TEX14: variants seen among roughly 807,000 people sequenced by gnomAD.
TEX14 encodes the protein testis expressed 14, intercellular bridge forming factor, also known as inactive serine/threonine-protein kinase TEX14.
In TEX14, 168 loss-of-function variants were observed where a neutral mutation model predicts 178.6. That is an observed-to-expected ratio of 0.94 (90% CI 0.83 to 1.07). TEX14 has a LOEUF of 1.07. Among genes scored for constraint, TEX14 ranks in the 50% least tolerant of loss-of-function variants. TEX14 has a pLI of 0.00. For synonymous variants in TEX14, 626 were observed against 634.1 expected (o/e 0.99, Z 0.19); for missense variants, 1,730 against 1,753.6 (o/e 0.99, Z 0.24).
chr17:58,678,061 A>G (rs1170671571), intron 1 of TEX14, among the ~76,000 whole-genome samples: 1 of 152,116 alleles, frequency 6.6e-6, no homozygotes, highest in Non-Finnish European at 1.5e-5. Flanking sequence ...GAGGCAGGAG[A>G]ATTGCTTGAA....
At chr17:58,645,475 T>C (rs989447834) in intron 2 of TEX14, among the ~76,000 whole-genome samples, 1 of 151,982 alleles carries the variant, frequency 6.6e-6, no homozygotes, top group Non-Finnish European at 1.5e-5. Flanking sequence ...TCTCCTGCCT[T>C]GGCCTCCCGA....
intron 9 of TEX14, among the ~76,000 whole-genome samples, chr17:58,612,028 A>G (rs1475112019): frequency 6.6e-6 from 1 of 152,146 alleles, no homozygotes; most frequent in Non-Finnish European, 1.5e-5. Flanking sequence ...TCATGGAGGA[A>G]AAAAACCTAA....
chr17:58,565,062 T>C (rs1338012261), intron 27 of TEX14, 94 bp from the exon 28 acceptor site: 2 of 739,946 alleles, frequency 2.7e-6, no homozygotes, highest in Non-Finnish European at 4.5e-6. Context: ...GGCCAATCAG[T>C]GGTCCCTGAA....
intron 2 of TEX14, among the ~76,000 whole-genome samples, chr17:58,648,998 C>T (rs1373654681): frequency 1.3e-5 from 2 of 150,880 alleles, no homozygotes; most frequent in East Asian, 3.9e-4. Flanking sequence ...ACCGTGGTCT[C>T]GATCTCCTGA....
chr17:58,561,587 G>A lies in TEX14; in HGVS notation c.4090C>T (p.Leu1364=), dbSNP rs771792312. The stretch of plus-strand genomic sequence containing the variant: ...TCAGGTGGCTGCAGCCATCTTTCCA[G>A]GTCCTCATCCAGAGTAGAGTGAGCT... ...ERAHSTLDED[L]ERWLQPPEES... Residue 1364 remains leucine (L), a synonymous_variant, in exon 29 of 32, where the codon CTG becomes TTG. Coordinates refer to ENST00000349033, the MANE Select transcript of TEX14 (RefSeq NM_031272.5). The A allele has an allele frequency of 1.2e-6, 2 of 1,613,730 alleles. No individual in the cohort carries two copies. Among genetic ancestry groups the A allele is most frequent in the African/African-American group, 2.7e-5 (2 of 74,930 alleles).
intron 13 of TEX14, among the ~76,000 whole-genome samples, 171 bp downstream of exon 13, chr17:58,601,635 A>G (rs2045448747): frequency 6.6e-6 from 1 of 152,222 alleles, no homozygotes; most frequent in Non-Finnish European, 1.5e-5. Context: ...TGGAGGTTGC[A>G]GTGAGCTGAG....
At position 58,574,206 on chromosome 17, in the gene TEX14, C is replaced by CCTTT; in HGVS notation, c.3360_3363dup (p.Glu1122LysfsTer18). The stretch of plus-strand genomic sequence containing the variant: ...TCATACATGTCTTTCTCTTTCAGTT[C>CCTTT]CTTTGGTGACTCCTTTGATGTCTCT... On this transcript the variant is annotated frameshift_variant, in exon 22 of 32. Transcript: ENST00000349033. LOFTEE classifies it high-confidence loss of function. 1 of 1,613,602 alleles carries CCTTT rather than the reference C, an allele frequency of 6.2e-7. No homozygotes were observed. Among genetic ancestry groups the CCTTT allele is most frequent in the Non-Finnish European group, 8.5e-7 (1 of 1,179,624 alleles).
Position 58,611,227 on chromosome 17 carries a change from G to C in TEX14, c.1118C>G (p.Ser373Cys). 6.2e-7 allele frequency: 1 copy of C among 1,613,918 alleles called. No homozygotes were observed. The highest frequency in any genetic ancestry group is 8.5e-7 in the Non-Finnish European group (1 of 1,179,852). The change falls in exon 10 of 32, where the codon TCC becomes TGC. Residue 373 changes from serine to cysteine, a missense_variant. By Grantham distance (112) the Ser-to-Cys change is moderately radical. Coordinates refer to ENST00000349033, the MANE Select transcript of TEX14 (RefSeq NM_031272.5). ...FQGFIHRSLS[S>C]YAVHIISPGE... ...TGGGGAGATGATATGGACAGCATAGGAGCTGAGGGAGCGGTGGATAAACCC... is the reference window on the plus strand; with the variant it reads ...TGGGGAGATGATATGGACAGCATAGCAGCTGAGGGAGCGGTGGATAAACCC...
At chr17:58,595,142 A>G (rs1322153834) in intron 14 of TEX14, among the ~76,000 whole-genome samples, 2 of 152,250 alleles carry the variant, frequency 1.3e-5, no homozygotes, top group Non-Finnish European at 2.9e-5. Flanking sequence ...ATATAATCAA[A>G]ATAGATATTT....
At chr17:58,689,049 G>C (rs970992914) in intron 1 of TEX14, among the ~76,000 whole-genome samples, 1 of 151,900 alleles carries the variant, frequency 6.6e-6, no homozygotes, top group African/African-American at 2.4e-5. Context: ...TCCTGCCTCA[G>C]CCTCCCAAGT....
At chr17:58,691,195 G>A (rs557042839) in intron 1 of TEX14, among the ~76,000 whole-genome samples, 62 of 152,194 alleles carry the variant, frequency 4.1e-4, no homozygotes, top group African/African-American at 1.4e-3. Context: ...TAAACTATAT[G>A]CTGAGCTTCC....
intron 10 of TEX14, among the ~76,000 whole-genome samples, chr17:58,605,892 G>C (rs952948275): frequency 6.6e-6 from 1 of 152,164 alleles, no homozygotes; most frequent in Non-Finnish European, 1.5e-5. Flanking sequence ...TCAGCTCCAT[G>C]AGAGTAGGCA....
chr17:58,655,085 A>T (rs1004839515), intron 1 of TEX14, among the ~76,000 whole-genome samples: 3 of 149,260 alleles, frequency 2.0e-5, no homozygotes, highest in African/African-American at 5.0e-5. Context: ...CCCAGGCTGA[A>T]GTGCAGTGGT....
chr17:58,676,574 C>G (rs966548293), intron 1 of TEX14, among the ~76,000 whole-genome samples: 2 of 151,852 alleles, frequency 1.3e-5, no homozygotes, highest in Non-Finnish European at 2.9e-5. Flanking sequence ...CAAAAGAAAA[C>G]AAAACAAAAC....
chr17:58,602,481 A>C lies in TEX14; in HGVS notation c.1446T>G (p.Val482=). Residue 482 remains valine, a synonymous_variant, in exon 12 of 32, where the codon GTT becomes GTG. Coordinates refer to ENST00000349033, the MANE Select transcript of TEX14 (RefSeq NM_031272.5). ...TCTGCTTGACGTGGATGCCTGACTTAACAATATCATAGTAAGGTTTCGGAA... is the reference window on the plus strand; with the variant it reads ...TCTGCTTGACGTGGATGCCTGACTTCACAATATCATAGTAAGGTTTCGGAA... ...VRLPKPYYDI[V]KSGIHVKQKD... The C allele has an allele frequency of 6.2e-7, 1 of 1,614,044 alleles. No individual in the cohort carries two copies. Among genetic ancestry groups the C allele is most frequent in the South Asian group, 1.1e-5 (1 of 91,080 alleles).
intron 2 of TEX14, among the ~76,000 whole-genome samples, chr17:58,649,881 A>T (rs1270208887): frequency 3.3e-5 from 5 of 151,954 alleles, no homozygotes; most frequent in Non-Finnish European, 5.9e-5. Flanking sequence ...CTGGGACTAC[A>T]GGTGCCCACC....
chr17:58,584,546 A>C lies in TEX14; in HGVS notation c.3125T>G (p.Phe1042Cys), dbSNP rs753665664. The C allele has an allele frequency of 6.2e-7, 1 of 1,614,138 alleles. No individual in the cohort carries two copies. Among genetic ancestry groups the C allele is most frequent in the Non-Finnish European group, 8.5e-7 (1 of 1,180,014 alleles). ...QKEQPEHSEA[F>C]QASSDTLVAV... ...CACCAATGTGTCAGAACTTGCTTGGAAGGCTTCACTATGCTCTGGTTGCTC... is the reference window on the plus strand; with the variant it reads ...CACCAATGTGTCAGAACTTGCTTGGCAGGCTTCACTATGCTCTGGTTGCTC... The change falls in exon 19 of 32, where the codon TTC (phenylalanine) becomes TGC (cysteine). Residue 1042 changes from phenylalanine to cysteine, a missense_variant. By Grantham distance (205) the Phe-to-Cys change is radical (BLOSUM62 -2). Around this residue, in one of 2 missense-constraint regions of TEX14, gnomAD observed 941 missense variants for 1,072.4 expected, o/e 0.88. Coordinates refer to ENST00000349033, the MANE Select transcript of TEX14 (RefSeq NM_031272.5).
intron 15 of TEX14, 41 bp downstream of exon 15, chr17:58,593,514 A>AT (rs777094309): frequency 1.4e-6 from 2 of 1,452,970 alleles, no homozygotes. Flanking sequence ...ACAGAAGTCT[A>AT]AAGGCATAGT....
chr17:58,656,512 T>A, intron 1 of TEX14, among the ~76,000 whole-genome samples: 1 of 151,138 alleles, frequency 6.6e-6, no homozygotes, highest in East Asian at 2.0e-4. Flanking sequence ...TCCCAACAAT[T>A]TGGGAGGGTG....
Sources: allele counts gnomAD v4.1 joint callset (sites outside exome capture counted in the v4.1 genomes callset), GRCh38; gene constraint gnomAD v4.1.1; regional missense constraint gnomAD v4.1.1; transcripts MANE v1.5; gene names NCBI Gene and HGNC (gene_info 2026-07-23, HGNC 2026-07-21).